CCL26: variants seen among roughly 807,000 people sequenced by gnomAD.
CCL26 encodes the protein C-C motif chemokine 26.
In CCL26, 10 loss-of-function variants were observed where a neutral mutation model predicts 10.7. The ratio of observed to expected loss-of-function variants is 0.93; its 90% confidence interval spans 0.57 to 1.58. The LOEUF is 1.58. Ranked by LOEUF, CCL26 falls within the 40% of genes most tolerant of loss-of-function variation. The pLI is 0.00. For synonymous variants in CCL26, 43 were observed against 41.4 expected, an observed-to-expected ratio of 1.04 and a Z score of -0.15; for missense variants, 116 against 111.0, an observed-to-expected ratio of 1.05 and a Z score of -0.20.
chr7:75,783,265 A>G (rs1313026607), intron 1 of CCL26, among the ~76,000 whole-genome samples: 4 of 152,094 alleles, frequency 2.6e-5, no homozygotes, highest in Non-Finnish European at 5.9e-5. Context: ...ATGTCATCCT[A>G]ACTTCTACCC....
intron 1 of CCL26, among the ~76,000 whole-genome samples, chr7:75,787,027 C>T (rs529393388): frequency 6.6e-6 from 1 of 152,102 alleles, no homozygotes; most frequent in African/African-American, 2.4e-5. Flanking sequence ...GGGGATTTGC[C>T]CCCGCCCAGG....
upstream of CCL26, among the ~76,000 whole-genome samples, chr7:75,791,287 G>T (rs1406263666): frequency 6.6e-6 from 1 of 152,076 alleles, no homozygotes; most frequent in Non-Finnish European, 1.5e-5. Flanking sequence ...AGCTCCCAAA[G>T]GGCTGGGATT....
At position 75,769,774 on chromosome 7, in the gene CCL26, T is replaced by C. The variant is rs41341147; in HGVS notation, c.204A>G (p.Arg68=). 1.2e-6 allele frequency: 2 copies of C among 1,606,706 alleles called. No individual in the cohort carries two copies. Among genetic ancestry groups the C allele is most frequent in the South Asian group, 2.2e-5 (2 of 90,940 alleles). The change falls in exon 3 of 3, where the codon AGA becomes AGG. Residue 68 remains arginine (R), a synonymous_variant. Coordinates refer to ENST00000005180, the MANE Select transcript of CCL26 (RefSeq NM_001371938.1). ...TTGGATGGGTACAGACTTTCTTGCC[T>C]CTTTTGGTAGTGAATCTGTGAAAAA... The part of the protein sequence containing the change: ...SQRAVIFTTK[R]GKKVCTHPRK...
intron 1 of CCL26, among the ~76,000 whole-genome samples, chr7:75,787,518 A>G (rs1803223684): frequency 6.6e-6 from 1 of 151,540 alleles, no homozygotes; most frequent in South Asian, 2.1e-4. Context: ...GGTGGCAGGC[A>G]CCTGTAGTCC....
chr7:75,769,736 A>C lies in CCL26; in HGVS notation c.242T>G (p.Val81Gly). ...TTTCAGTAAAGAAATGTATTTTTGC[A>C]CCCATTTTTTCCTTGGATGGGTACA... ...KVCTHPRKKW[V>G]QKYISLLKTP... The change falls in exon 3 of 3, where the codon GTG becomes GGG. Residue 81 changes from valine (V) to glycine (G), a missense_variant. Physicochemically the swap from Val to Gly is moderately radical, Grantham distance 109. Coordinates refer to ENST00000005180, the MANE Select transcript of CCL26 (RefSeq NM_001371938.1). 1 of 1,613,140 alleles carries C rather than the reference A, an allele frequency of 6.2e-7. No homozygotes were observed. The highest frequency in any genetic ancestry group is 2.2e-5 in the East Asian group (1 of 44,880).
At chr7:75,791,088 A>G (rs1476472754), upstream of CCL26, among the ~76,000 whole-genome samples, 6 of 140,946 alleles carry the variant, frequency 4.3e-5, no homozygotes, top group Admixed American at 3.0e-4. Flanking sequence ...GTGCAATGGC[A>G]CGATCTCGGC....
rs543877114 is a variant in CCL26, at chr7:75,785,306, C to T, written c.-79+4411G>A. On this transcript the variant is annotated intron_variant, in intron 1 of 3. Coordinates refer to the CCL26 transcript ENST00000394905. Reference sequence around the variant, plus strand: ...CTACCGCAAGGCTTCAGGGACAGCCCTCATTACTTCAGCCAAGCTCTTTCC... The same window carrying T: ...CTACCGCAAGGCTTCAGGGACAGCCTTCATTACTTCAGCCAAGCTCTTTCC... Among the ~76,000 whole-genome samples, 17 of 152,252 alleles carry T rather than the reference C, an allele frequency of 1.1e-4. No individual in the cohort carries two copies. The South Asian group carries it at 3.1e-3, about 28-fold the overall frequency.
At chr7:75,788,455 C>T (rs553948852) in intron 1 of CCL26, among the ~76,000 whole-genome samples, 1 of 151,758 alleles carries the variant, frequency 6.6e-6, no homozygotes, top group Admixed American at 6.6e-5. Flanking sequence ...CCCTATCTCC[C>T]TTGGCTGACT....
chr7:75,784,606 C>T (rs1435137009), intron 1 of CCL26, among the ~76,000 whole-genome samples: 1 of 152,146 alleles, frequency 6.6e-6, no homozygotes, highest in Non-Finnish European at 1.5e-5. Context: ...TAAAACTCCC[C>T]AACTCTGGTG....
upstream of CCL26, among the ~76,000 whole-genome samples, chr7:75,776,581 G>A (rs1414543384): frequency 3.5e-5 from 4 of 115,654 alleles, no homozygotes; most frequent in African/African-American, 1.3e-4. Flanking sequence ...AGGAAGGAAG[G>A]AAGAAGGAAA....
chr7:75,788,192 G>C (rs782614440), intron 1 of CCL26, among the ~76,000 whole-genome samples: 1 of 152,106 alleles, frequency 6.6e-6, no homozygotes, highest in African/African-American at 2.4e-5. Context: ...AAGCTAAGCC[G>C]TCGTATCCCC....
chr7:75,783,226 G>A (rs1554529624), intron 1 of CCL26, among the ~76,000 whole-genome samples: 1 of 152,082 alleles, frequency 6.6e-6, no homozygotes, highest in East Asian at 1.9e-4. Flanking sequence ...ATCTAACTCT[G>A]TCCTACAATT....
intron 1 of CCL26, among the ~76,000 whole-genome samples, chr7:75,777,473 T>C (rs1284088275): frequency 6.6e-6 from 1 of 151,650 alleles, no homozygotes; most frequent in Non-Finnish European, 1.5e-5. Context: ...ATAAGCCAGG[T>C]GTAGTGGCTC....
At chr7:75,770,739 C>T (rs1281594081) in intron 2 of CCL26, among the ~76,000 whole-genome samples, 18 of 151,932 alleles carry the variant, frequency 1.2e-4, no homozygotes, top group Admixed American at 3.3e-4. Context: ...TGCAGTGGCG[C>T]GATCTCTACT....
At chr7:75,776,724 TAC>T (rs1554528785), upstream of CCL26, among the ~76,000 whole-genome samples, 1 of 152,000 alleles carries the variant, frequency 6.6e-6, no homozygotes, top group East Asian at 1.9e-4. Flanking sequence ...ATCACAGAAA[TAC>T]ACACTTAAAC....
intron 1 of CCL26, among the ~76,000 whole-genome samples, chr7:75,777,894 A>G (rs1257634680): frequency 1.3e-5 from 2 of 149,990 alleles, no homozygotes; most frequent in East Asian, 2.0e-4. Context: ...ATCTTGGCTC[A>G]TTGCAGCCTC....
At chr7:75,791,468 C>A (rs371950559), upstream of CCL26, among the ~76,000 whole-genome samples, 123 of 152,272 alleles carry the variant, frequency 8.1e-4, 1 homozygote, top group African/African-American at 2.8e-3. Context: ...TTCCCTGTAC[C>A]CTCCAGGTTG....
At chr7:75,785,959 C>T (rs2115691435) in intron 1 of CCL26, among the ~76,000 whole-genome samples, 1 of 152,286 alleles carries the variant, frequency 6.6e-6, no homozygotes, top group East Asian at 1.9e-4. Context: ...GCGGCTGCTG[C>T]CACCCTAATA....
At chr7:75,791,548 A>G (rs1554530873), upstream of CCL26, among the ~76,000 whole-genome samples, 1 of 151,874 alleles carries the variant, frequency 6.6e-6, no homozygotes, top group Non-Finnish European at 1.5e-5. Flanking sequence ...CCCAGGGTCT[A>G]GGCTGCCATC....
Sources: allele counts gnomAD v4.1 joint callset (sites outside exome capture counted in the v4.1 genomes callset), GRCh38; gene constraint gnomAD v4.1.1; transcripts MANE v1.5; gene names NCBI Gene and HGNC (gene_info 2026-07-23, HGNC 2026-07-21).